Variants in AR observed in about 807,000 individuals in gnomAD.
AR encodes the protein androgen receptor.
In AR, 8 loss-of-function variants were observed where a neutral mutation model predicts 53.9. That is an observed-to-expected ratio of 0.15 (90% CI 0.09 to 0.27). The LOEUF is 0.27. Ranked by LOEUF, AR falls within the 10% of genes least tolerant of loss-of-function variation. AR has a pLI of 1.00. For missense variants in AR, 639 were observed against 742.5 expected, an observed-to-expected ratio of 0.86 and a Z score of 1.62; for synonymous variants, 359 against 316.4, an observed-to-expected ratio of 1.13 and a Z score of -1.43.
chrX:67,675,886 C>T (rs762147409), intron 2 of AR, among the ~76,000 whole-genome samples: 6 of 111,245 alleles, frequency 5.4e-5, no homozygotes, highest in Non-Finnish European at 9.4e-5. Flanking sequence ...CACCTCTACC[C>T]TAGTATTAGC....
At chrX:67,599,699 TTACAC>T (rs1301615375) in intron 1 of AR, among the ~76,000 whole-genome samples, 4 of 112,362 alleles carry the variant, frequency 3.6e-5, no homozygotes, top group African/African-American at 1.3e-4. Context: ...TTTTTACTGC[TTACAC>T]TACATGTAGA....
At chrX:67,698,864 G>A (rs1358944283) in intron 3 of AR, among the ~76,000 whole-genome samples, 1 of 111,455 alleles carries the variant, frequency 9.0e-6, no homozygotes, top group Non-Finnish European at 1.9e-5. Flanking sequence ...GGAATGAATG[G>A]AGAGTGAAAA....
chrX:67,579,944 T>A (rs978729029), intron 1 of AR, among the ~76,000 whole-genome samples: 2 of 111,062 alleles, frequency 1.8e-5, no homozygotes, highest in Non-Finnish European at 3.8e-5. Flanking sequence ...CTTCTCTGAG[T>A]AGTACCATAA....
intron 3 of AR, chrX:67,689,492 A>G (rs1434014708): frequency 2.7e-6 from 2 of 752,376 alleles, no homozygotes; most frequent in East Asian, 1.7e-4. Flanking sequence ...GAGATACTTA[A>G]TAGATATAGC....
intron 3 of AR, among the ~76,000 whole-genome samples, chrX:67,700,346 C>A (rs1305076102): frequency 9.0e-6 from 1 of 111,364 alleles, no homozygotes; most frequent in Non-Finnish European, 1.9e-5. Flanking sequence ...GTGCAGAGGG[C>A]AGGAGGGGCA....
chrX:67,712,690 A>T (rs1602273360), intron 4 of AR, among the ~76,000 whole-genome samples: 2 of 112,078 alleles, frequency 1.8e-5, no homozygotes, highest in Admixed American at 9.5e-5. Flanking sequence ...GCAAAATCTT[A>T]GGGCTCCAAG....
chrX:67,730,050 GAACATTGATT>G lies in AR; in HGVS notation c.*6211_*6220del, dbSNP rs1173550744. ...CACCTTTCTGCTTTCCTCTAGACTG[GAACATTGATT>G]AGGGAGTGCCTCAGACATGACATTC... On this transcript the variant is annotated 3_prime_UTR_variant, in exon 8 of 8. Coordinates refer to ENST00000374690, the MANE Select transcript of AR (RefSeq NM_000044.6). The G allele has an allele frequency of 5.2e-5, 9 of 173,229 alleles. No homozygotes were observed. In the East Asian group the frequency reaches 7.3e-4, roughly 14 times the overall value. The allele number at this position is 173,229 out of a possible 1,213,427, so 14.3% of individuals were successfully genotyped here.
At chrX:67,680,411 GT>G (rs776980684) in intron 2 of AR, among the ~76,000 whole-genome samples, 24 of 112,037 alleles carry the variant, frequency 2.1e-4, no homozygotes, top group Non-Finnish European at 4.0e-4. Context: ...TGTTTGAGTT[GT>G]TTTAAATTTT....
chrX:67,585,279 G>A (rs1922487897), intron 1 of AR, among the ~76,000 whole-genome samples: 1 of 105,741 alleles, frequency 9.5e-6, no homozygotes, highest in South Asian at 4.2e-4. Context: ...AAAAAAAAGA[G>A]TTGATAGCAA....
At position 67,686,002 on chromosome X, in the gene AR, T is replaced by A; in HGVS notation, c.1769-8T>A. 8.3e-7 allele frequency: 1 copy of A among 1,209,856 alleles called. No homozygotes were observed. Among genetic ancestry groups the A allele is most frequent in the East Asian group, 3.0e-5 (1 of 33,768 alleles). On this transcript the variant is annotated splice_region_variant and splice_polypyrimidine_tract_variant and intron_variant, in intron 2 of 7. Coordinates refer to ENST00000374690, the MANE Select transcript of AR (RefSeq NM_000044.6). ...CAGGTCTATCAACTCTTGTATTTGT[T>A]CTCCCAGGGAAACAGAAGTACCTGT...
chrX:67,629,902 A>C (rs1176878969), intron 1 of AR, among the ~76,000 whole-genome samples: 2 of 111,306 alleles, frequency 1.8e-5, no homozygotes, highest in Non-Finnish European at 3.8e-5. Context: ...TGTACCCAGT[A>C]GTCATTCAGG....
At chrX:67,594,002 T>G (rs1922963555) in intron 1 of AR, among the ~76,000 whole-genome samples, 1 of 111,941 alleles carries the variant, frequency 8.9e-6, no homozygotes, top group African/African-American at 3.2e-5. Context: ...GTTATTTTAG[T>G]GCCTTTTTTT....
intron 1 of AR, among the ~76,000 whole-genome samples, chrX:67,550,343 A>T (rs1293097386): frequency 1.8e-5 from 2 of 111,327 alleles, no homozygotes; most frequent in Non-Finnish European, 3.8e-5. Flanking sequence ...TGGTACGTTT[A>T]ATTTTCTTTG....
intron 1 of AR, among the ~76,000 whole-genome samples, chrX:67,615,542 A>G (rs192536149): frequency 1.8e-5 from 2 of 111,847 alleles, no homozygotes; most frequent in East Asian, 5.6e-4. Context: ...AGAATTTTTC[A>G]TTAGCTGACA....
intron 2 of AR, among the ~76,000 whole-genome samples, chrX:67,646,515 G>A (rs992391056): frequency 3.6e-5 from 4 of 110,834 alleles, no homozygotes; most frequent in African/African-American, 1.3e-4. Flanking sequence ...TGAACTCTGG[G>A]TTAGAAACAG....
At chrX:67,547,907 C>T (rs979969372) in intron 1 of AR, among the ~76,000 whole-genome samples, 2 of 111,842 alleles carry the variant, frequency 1.8e-5, no homozygotes, top group Admixed American at 1.9e-4. Context: ...AAAATTATTC[C>T]TCACCGCAGT....
chrX:67,548,646 A>G (rs1373915851), intron 1 of AR, among the ~76,000 whole-genome samples: 2 of 111,424 alleles, frequency 1.8e-5, no homozygotes, highest in Non-Finnish European at 3.8e-5. Context: ...ATGGTTCCAC[A>G]TATTTGCTAA....
In AR at chrX:67,544,851, T is replaced by A; in HGVS notation, c.-296T>A. On this transcript the variant is annotated 5_prime_UTR_variant, in exon 1 of 8. Coordinates refer to ENST00000374690, the MANE Select transcript of AR (RefSeq NM_000044.6). ...GAATTTGGAAGGTGGAGGATTTTGT[T>A]TTTTTCTTTTAAGATCTGGGCATCT... 3.8e-6 allele frequency: 1 copy of A among 259,753 alleles called. No homozygotes were observed. The highest frequency in any genetic ancestry group is 6.8e-6 in the Non-Finnish European group (1 of 146,736). The allele number at this position is 259,753 out of a possible 1,213,427, so 21.4% of individuals were successfully genotyped here. A position where few individuals can be genotyped will look rare whatever the true frequency, so the allele number is the denominator to read the frequency against.
intron 1 of AR, among the ~76,000 whole-genome samples, chrX:67,625,386 C>A (rs1168582996): frequency 9.0e-6 from 1 of 110,960 alleles, no homozygotes; most frequent in Non-Finnish European, 1.9e-5. Flanking sequence ...GTTTTCTTAG[C>A]AGAAAATGAA....
Sources: allele counts gnomAD v4.1 joint callset (sites outside exome capture counted in the v4.1 genomes callset), GRCh38; gene constraint gnomAD v4.1.1; transcripts MANE v1.5; gene names NCBI Gene and HGNC (gene_info 2026-07-23, HGNC 2026-07-21).